ST6GALNAC2: variants seen among roughly 807,000 people sequenced by gnomAD.
ST6GALNAC2 encodes alpha-N-acetylgalactosaminide alpha-2,6-sialyltransferase 2.
Under a neutral mutation model 38.7 loss-of-function variants are expected in ST6GALNAC2, and 42 were observed. The ratio of observed to expected loss-of-function variants is 1.09; its 90% CI spans 0.85 to 1.40. ST6GALNAC2 has a LOEUF of 1.40. Ranked by LOEUF, ST6GALNAC2 falls within the 40% of genes most tolerant of loss-of-function variation. The pLI is 0.00. For missense variants in ST6GALNAC2, 506 were observed against 481.7 expected (o/e 1.05, Z -0.47); for synonymous variants, 233 against 209.0 (o/e 1.11, Z -0.99).
rs1204692203 is a variant in ST6GALNAC2, at chr17:76,585,728, G to A, written c.81C>T (p.Tyr27=). The A allele has an allele frequency of 6.5e-7, 1 of 1,542,296 alleles. No individual in the cohort carries two copies. The highest frequency in any genetic ancestry group is 1.2e-5 in the South Asian group (1 of 83,806). ...AACSGLLFAL[Y]FSAVQRYPGP... is the part of the protein sequence containing the mutation. ...CCGGGTACCGCTGCACCGCCGAGAA[G>A]TACAGGGCAAAGAGGAGCCCCGAGC... is the stretch of plus-strand genomic sequence containing the variant. Residue 27 remains tyrosine (Y), a synonymous_variant, in exon 1 of 9, where the codon TAC becomes TAT. Coordinates refer to ENST00000225276, the MANE Select transcript of ST6GALNAC2 (RefSeq NM_006456.3).
intron 1 of ST6GALNAC2, among the ~76,000 whole-genome samples, chr17:76,579,599 C>A (rs34557034): frequency 0.034 from 5,170 of 152,264 alleles, 138 homozygotes; most frequent in East Asian, 0.13. Flanking sequence ...AAACTGAATC[C>A]CCAATGCAAC....
In ST6GALNAC2 at chr17:76,566,248, T is replaced by A; in HGVS notation, c.981A>T (p.Thr327=). ...CDQVSAYGFI[T]SNYWKFSDHY... is the part of the protein sequence containing the mutation. Reference sequence around the variant, plus strand: ...GGTCGGAAAATTTCCAGTAGTTGCTTGTGATGAATCCATAGGCACTGACCT... The same window carrying A: ...GGTCGGAAAATTTCCAGTAGTTGCTAGTGATGAATCCATAGGCACTGACCT... Residue 327 remains threonine (T), a synonymous_variant, in exon 9 of 9, where the codon ACA becomes ACT. Coordinates refer to ENST00000225276, the MANE Select transcript of ST6GALNAC2 (RefSeq NM_006456.3). The A allele has an allele frequency of 6.2e-7, 1 of 1,614,102 alleles. No individual in the cohort carries two copies. The highest frequency in any genetic ancestry group is 8.5e-7 in the Non-Finnish European group (1 of 1,180,026).
At chr17:76,572,543 C>T in intron 5 of ST6GALNAC2, 94 bp downstream of exon 5, 2 of 1,461,878 alleles carry the variant, frequency 1.4e-6, no homozygotes, top group Non-Finnish European at 1.9e-6. Context: ...ATCCACTGGA[C>T]CAGGGTGTGT....
Position 76,572,641 on chromosome 17 carries a change from C to A in ST6GALNAC2, c.665G>T (p.Gly222Val). The change falls in exon 5 of 9, where the codon GGA (glycine) becomes GTA (valine). Residue 222 changes from glycine to valine, a missense_variant. Transcript: ENST00000225276. ...CATGCCCGCCAGAGGCCTCACCTGTCCTTGTGGCACGGAGGTGAAGCCCAG... is the reference window on the plus strand; with the variant it reads ...CATGCCCGCCAGAGGCCTCACCTGTACTTGTGGCACGGAGGTGAAGCCCAG... ...WNLGFTSVPQGQDLQYIFIPS... is the reference protein window; with the variant it reads ...WNLGFTSVPQVQDLQYIFIPS... 1 of 1,614,076 alleles carries A rather than the reference C, an allele frequency of 6.2e-7. No homozygotes were observed. The highest frequency in any genetic ancestry group is 8.5e-7 in the Non-Finnish European group (1 of 1,180,014).
At position 76,568,702 on chromosome 17, in the gene ST6GALNAC2, C is replaced by A. The variant is rs368883596; in HGVS notation, c.857+11G>T. 1.9e-6 allele frequency: 3 copies of A among 1,613,372 alleles called. No individual in the cohort carries two copies. The African/African-American group carries it at 4.0e-5, about 22-fold the overall frequency. ...AAGGGGACGCTGTTCTTCAGGCACC[C>A]CACTCCGTACCTTTCTGTCAGGTAG... On this transcript the variant is annotated intron_variant, in intron 7 of 8. Transcript: ENST00000225276.
intron 1 of ST6GALNAC2, among the ~76,000 whole-genome samples, chr17:76,582,465 G>A (rs542630833): frequency 5.6e-4 from 84 of 150,992 alleles, no homozygotes; most frequent in African/African-American, 1.8e-3. Flanking sequence ...CACCATGCCC[G>A]GCCTTCATAT....
intron 6 of ST6GALNAC2, chr17:76,569,691 G>C (rs1021899340): frequency 2.6e-6 from 1 of 380,434 alleles, no homozygotes; most frequent in East Asian, 3.7e-5. Flanking sequence ...CTCTGAGGCA[G>C]CCCCTAAGGG....
intron 4 of ST6GALNAC2, 24 bp from the exon 5 acceptor site, chr17:76,572,799 GTGTC>G: frequency 6.2e-7 from 1 of 1,613,700 alleles, no homozygotes; most frequent in Non-Finnish European, 8.5e-7. Context: ...AGGCCCATCA[GTGTC>G]TGCGGTTACA....
At chr17:76,572,835 C>A in intron 4 of ST6GALNAC2, 60 bp from the exon 5 acceptor site, 1 of 1,602,608 alleles carries the variant, frequency 6.2e-7, no homozygotes, top group African/African-American at 1.3e-5. Context: ...GTTCTGCTTC[C>A]ATCTCCACGG....
chr17:76,566,254 G>A lies in ST6GALNAC2; in HGVS notation c.975C>T (p.Phe325=), dbSNP rs2075280674. ...HTCDQVSAYG[F]ITSNYWKFSD... is the part of the protein sequence containing the mutation. ...AAAATTTCCAGTAGTTGCTTGTGAT[G>A]AATCCATAGGCACTGACCTGGGCAA... The change falls in exon 9 of 9, where the codon TTC becomes TTT. Residue 325 remains phenylalanine (F), a synonymous_variant. Coordinates refer to ENST00000225276, the MANE Select transcript of ST6GALNAC2 (RefSeq NM_006456.3). 3.7e-6 allele frequency: 6 copies of A among 1,614,004 alleles called. No homozygotes were observed. In the South Asian group the frequency reaches 6.6e-5, roughly 18 times the overall value.
chr17:76,578,565 G>A (rs1350030217), intron 2 of ST6GALNAC2, among the ~76,000 whole-genome samples, 191 bp downstream of exon 2: 3 of 152,138 alleles, frequency 2.0e-5, no homozygotes, highest in Admixed American at 6.6e-5. Flanking sequence ...CTTCTCTGCT[G>A]TTGGGCCACA....
At chr17:76,578,145 G>A (rs866648175) in intron 2 of ST6GALNAC2, among the ~76,000 whole-genome samples, 7 of 152,222 alleles carry the variant, frequency 4.6e-5, no homozygotes, top group African/African-American at 1.4e-4. Flanking sequence ...TCGCGCAATG[G>A]TTCTGAGCCA....
At chr17:76,585,426 C>CG (rs1445312566) in intron 1 of ST6GALNAC2, among the ~76,000 whole-genome samples, 1 of 152,210 alleles carries the variant, frequency 6.6e-6, no homozygotes, top group Non-Finnish European at 1.5e-5. Context: ...GGCACCGGGG[C>CG]GGGTCGCCAG....
At chr17:76,579,258 A>C (rs1006155008) in intron 1 of ST6GALNAC2, among the ~76,000 whole-genome samples, 1 of 152,236 alleles carries the variant, frequency 6.6e-6, no homozygotes, top group Non-Finnish European at 1.5e-5. Context: ...CTTTAGGCAC[A>C]CAGGATACTG....
chr17:76,572,564 G>A lies in ST6GALNAC2; in HGVS notation c.669+73C>T, dbSNP rs1036911347. ...TGGACCAGGGTGTGTGAGCCCTGTG[G>A]CCCCCACTGAGGGGACTCCAGGAAC... On this transcript the variant is annotated intron_variant, in intron 5 of 8. Coordinates refer to ENST00000225276, the MANE Select transcript of ST6GALNAC2 (RefSeq NM_006456.3). The A allele has an allele frequency of 4.2e-5, 66 of 1,570,214 alleles. 1 individual carries two copies. The Middle Eastern group carries it at 1.9e-3, about 44-fold the overall frequency.
intron 1 of ST6GALNAC2, among the ~76,000 whole-genome samples, chr17:76,584,592 T>C (rs898065093): frequency 6.6e-6 from 1 of 152,092 alleles, no homozygotes; most frequent in African/African-American, 2.4e-5. Context: ...TCCTCCCACC[T>C]CCGCCTCCCA....
At chr17:76,582,133 G>A (rs1028543174) in intron 1 of ST6GALNAC2, among the ~76,000 whole-genome samples, 1 of 148,192 alleles carries the variant, frequency 6.7e-6, no homozygotes, top group Admixed American at 6.8e-5. Flanking sequence ...CCAAAGTACT[G>A]GGGTTACAAG....
At chr17:76,568,580 C>T in intron 7 of ST6GALNAC2, 133 bp downstream of exon 7, 1 of 803,110 alleles carries the variant, frequency 1.2e-6, no homozygotes, top group Admixed American at 2.1e-5. Context: ...GCTTTGCACA[C>T]AGCACTCGGG....
intron 2 of ST6GALNAC2, 80 bp downstream of exon 2, chr17:76,578,676 T>C (rs2075443930): frequency 7.6e-7 from 1 of 1,316,588 alleles, no homozygotes; most frequent in East Asian, 2.4e-5. Context: ...CTCATGAGAG[T>C]GTTCTCGTTT....
Sources: gnomAD v4.1 joint callset for allele counts (sites outside exome capture counted in the v4.1 genomes callset) on GRCh38, gnomAD v4.1.1 for gene constraint, MANE v1.5 for transcripts, NCBI Gene and HGNC (gene_info 2026-07-23, HGNC 2026-07-21) for gene names.